The following GRIK2 variants were observed in gnomAD, a reference collection of about 807,000 sequenced individuals.
GRIK2 encodes the protein glutamate ionotropic receptor kainate type subunit 2, also known as glutamate receptor ionotropic, kainate 2.
GRIK2 carries 32 observed loss-of-function variants against 100.3 expected under a neutral mutation model. The observed-to-expected ratio is 0.32, with a 90% CI of 0.24 to 0.43. The LOEUF (loss-of-function observed/expected upper bound fraction) is 0.43, where lower values mean the gene tolerates loss of function less well. Ranked by LOEUF, GRIK2 falls within the 20% of genes least tolerant of loss-of-function variation. GRIK2 has a pLI of 1.00. For missense variants in GRIK2, 843 were observed against 1,114.9 expected (o/e 0.76, Z 3.47); for synonymous variants, 417 against 389.4 (o/e 1.07, Z -0.83).
intron 4 of GRIK2, among the ~76,000 whole-genome samples, chr6:101,629,729 A>G (rs1310688317): frequency 6.6e-6 from 1 of 152,002 alleles, no homozygotes; most frequent in Non-Finnish European, 1.5e-5. Context: ...TTCAACTTTC[A>G]TTTTAAAATC....
At chr6:101,564,895 C>T (rs1045187589) in intron 2 of GRIK2, among the ~76,000 whole-genome samples, 10 of 152,128 alleles carry the variant, frequency 6.6e-5, no homozygotes, top group Non-Finnish European at 1.3e-4. Flanking sequence ...CAACACTGTT[C>T]ATTCCATTCA....
intron 10 of GRIK2, among the ~76,000 whole-genome samples, chr6:101,847,298 G>A (rs11962789): frequency 0.11 from 16,835 of 151,906 alleles, 1,975 homozygotes; most frequent in East Asian, 0.66. Context: ...CTTTGTTCCT[G>A]TCAATGGGCT....
chr6:101,517,430 A>G (rs1270885816), intron 2 of GRIK2, among the ~76,000 whole-genome samples: 1 of 152,176 alleles, frequency 6.6e-6, no homozygotes, highest in Non-Finnish European at 1.5e-5. Context: ...ACCGTAGACT[A>G]TAGAGACATC....
chr6:101,890,976 C>CATATATATATAT (rs61125711), intron 12 of GRIK2, among the ~76,000 whole-genome samples: 83 of 146,818 alleles, frequency 5.7e-4, no homozygotes, highest in Middle Eastern at 3.5e-3. Flanking sequence ...ATAAAGTGTA[C>CATATATATATAT]ATATATATAT....
intron 7 of GRIK2, among the ~76,000 whole-genome samples, chr6:101,703,619 A>G (rs965681901): frequency 6.6e-6 from 1 of 151,812 alleles, no homozygotes; most frequent in African/African-American, 2.4e-5. Flanking sequence ...AATTTAGGAT[A>G]CCATAGAAAT....
At chr6:101,451,106 TTTAGA>T (rs1238341747) in intron 2 of GRIK2, among the ~76,000 whole-genome samples, 1 of 151,772 alleles carries the variant, frequency 6.6e-6, no homozygotes, top group Admixed American at 6.6e-5. Context: ...CTTCATCCTG[TTTAGA>T]TTAATCGTTG....
Position 102,055,567 on chromosome 6 carries a change from C to T in GRIK2, c.2549C>T (p.Ala850Val). Reference protein sequence around the residue: ...GEFLYKSKKNAQLEKRSFCSA... With the variant: ...GEFLYKSKKNVQLEKRSFCSA... Reference sequence around the variant, plus strand: ...TTTTTATACAAATCCAAAAAAAACGCTCAATTGGAAAAGGTAAATGTTACT... The same window carrying T: ...TTTTTATACAAATCCAAAAAAAACGTTCAATTGGAAAAGGTAAATGTTACT... Residue 850 changes from alanine to valine, a missense_variant, in exon 16 of 17, where the codon GCT becomes GTT. Ala to Val is a moderately conservative substitution (Grantham distance 64). Around this residue, in one of 3 missense-constraint regions of GRIK2, gnomAD observed 87 missense variants for 83.2 expected, o/e 1.05. Transcript: ENST00000369134. The T allele has an allele frequency of 1.2e-6, 2 of 1,606,230 alleles. No homozygotes were observed. Among genetic ancestry groups the T allele is most frequent in the Admixed American group, 1.7e-5 (1 of 59,866 alleles).
intron 7 of GRIK2, among the ~76,000 whole-genome samples, chr6:101,700,297 G>A (rs958575962): frequency 6.6e-6 from 1 of 151,748 alleles, no homozygotes; most frequent in Non-Finnish European, 1.5e-5. Flanking sequence ...TGCTATAAAC[G>A]TTATAAAAAT....
At chr6:101,957,952 G>T (rs760009252) in intron 14 of GRIK2, among the ~76,000 whole-genome samples, 20 of 151,890 alleles carry the variant, frequency 1.3e-4, no homozygotes, top group Non-Finnish European at 2.5e-4. Flanking sequence ...ATTTTAGACA[G>T]GTAATGTGAT....
At chr6:101,707,515 A>G (rs1001357203) in intron 7 of GRIK2, among the ~76,000 whole-genome samples, 8 of 145,066 alleles carry the variant, frequency 5.5e-5, no homozygotes, top group South Asian at 2.1e-4. Context: ...ATGTAATAGA[A>G]TTGTGAAAAT....
At chr6:101,416,828 T>A (rs1429435659) in intron 2 of GRIK2, among the ~76,000 whole-genome samples, 1 of 152,208 alleles carries the variant, frequency 6.6e-6, no homozygotes, top group Admixed American at 6.5e-5. Flanking sequence ...AATGTTGTCA[T>A]CTATGGAGTA....
At chr6:101,465,459 A>G (rs1342911112) in intron 2 of GRIK2, among the ~76,000 whole-genome samples, 1 of 152,208 alleles carries the variant, frequency 6.6e-6, no homozygotes, top group Non-Finnish European at 1.5e-5. Context: ...CATTTTTTTA[A>G]ATGGCTGAAT....
At chr6:101,643,336 G>T (rs566189828) in intron 4 of GRIK2, among the ~76,000 whole-genome samples, 2 of 151,096 alleles carry the variant, frequency 1.3e-5, no homozygotes, top group Admixed American at 6.6e-5. Context: ...TTTTCTAAGG[G>T]TTGTATAGTT....
chr6:101,793,808 C>A (rs1780076698), intron 7 of GRIK2, among the ~76,000 whole-genome samples: 1 of 152,146 alleles, frequency 6.6e-6, no homozygotes. Context: ...GCCCTGCCCC[C>A]AGAGGTGGAG....
intron 7 of GRIK2, among the ~76,000 whole-genome samples, chr6:101,755,669 T>C (rs1777093034): frequency 1.3e-5 from 2 of 152,200 alleles, no homozygotes; most frequent in South Asian, 2.1e-4. Flanking sequence ...CACACACTAA[T>C]AAAAACCTAA....
At chr6:101,729,110 A>G (rs1465150247) in intron 7 of GRIK2, among the ~76,000 whole-genome samples, 4 of 152,010 alleles carry the variant, frequency 2.6e-5, no homozygotes. Flanking sequence ...TGAGGAATGC[A>G]CTGTAATTCT....
At chr6:102,052,005 T>C (rs1771225140) in intron 15 of GRIK2, among the ~76,000 whole-genome samples, 1 of 152,174 alleles carries the variant, frequency 6.6e-6, no homozygotes, top group African/African-American at 2.4e-5. Flanking sequence ...TGTCTCTATC[T>C]ACATAATTAA....
intron 2 of GRIK2, among the ~76,000 whole-genome samples, chr6:101,478,772 C>T (rs1582539625): frequency 6.6e-6 from 1 of 151,980 alleles, no homozygotes; most frequent in African/African-American, 2.4e-5. Flanking sequence ...GATCCGCTCA[C>T]CTTGGCCTCC....
intron 2 of GRIK2, 70 bp downstream of exon 2, chr6:101,399,462 G>A: frequency 1.2e-6 from 1 of 801,500 alleles, no homozygotes; most frequent in Non-Finnish European, 2.3e-6. Context: ...CAGGCGGTTC[G>A]CTCTGCCTGG....
Sources: gnomAD v4.1 joint callset for allele counts (sites outside exome capture counted in the v4.1 genomes callset) on GRCh38, gnomAD v4.1.1 for gene constraint, gnomAD v4.1.1 regional missense constraint, MANE v1.5 for transcripts, NCBI Gene and HGNC (gene_info 2026-07-23, HGNC 2026-07-21) for gene names.